The following CDKAL1 variants were observed in gnomAD, a reference collection of about 807,000 sequenced individuals.
The protein encoded by CDKAL1 is CDKAL1 threonylcarbamoyladenosine tRNA methylthiotransferase.
A neutral mutation model predicts 68.2 loss-of-function variants in CDKAL1; 32 were observed. That is an observed-to-expected ratio of 0.47 (90% CI 0.35 to 0.63). The LOEUF (loss-of-function observed/expected upper bound fraction) is 0.63, where lower values mean the gene tolerates loss of function less well. Among genes scored for constraint, CDKAL1 ranks in the 30% least tolerant of loss-of-function variants. The pLI, the probability that CDKAL1 is intolerant of heterozygous loss-of-function variation, is 0.00. For synonymous variants in CDKAL1, 234 were observed against 244.3 expected (o/e 0.96, Z 0.39); for missense variants, 606 against 696.7 (o/e 0.87, Z 1.47).
chr6:20,888,358 CTT>C (rs59055712), intron 9 of CDKAL1, among the ~76,000 whole-genome samples: 4,475 of 144,042 alleles, frequency 0.031, 214 homozygotes, highest in African/African-American at 0.1. Context: ...GCCACATCTT[CTT>C]TTTTTTTTTT....
At chr6:20,587,622 A>G (rs1189198631) in intron 4 of CDKAL1, among the ~76,000 whole-genome samples, 3 of 151,868 alleles carry the variant, frequency 2.0e-5, no homozygotes, top group Non-Finnish European at 4.4e-5. Flanking sequence ...AGTCCCAGCT[A>G]CTCTGGAGGC....
intron 13 of CDKAL1, among the ~76,000 whole-genome samples, chr6:21,194,132 T>G (rs1292906956): frequency 6.6e-6 from 1 of 152,180 alleles, no homozygotes; most frequent in East Asian, 1.9e-4. Context: ...AGAAAGACAT[T>G]AACTGATCCT....
intron 9 of CDKAL1, among the ~76,000 whole-genome samples, chr6:20,889,123 G>C (rs1466816417): frequency 6.6e-6 from 1 of 152,176 alleles, no homozygotes; most frequent in Non-Finnish European, 1.5e-5. Flanking sequence ...GATGGCCAGT[G>C]ATGATGAGCA....
intron 12 of CDKAL1, among the ~76,000 whole-genome samples, chr6:21,081,635 G>A (rs553973957): frequency 1.0e-4 from 15 of 148,872 alleles, no homozygotes; most frequent in African/African-American, 3.2e-4. Flanking sequence ...GCAGTGGCGC[G>A]ATCTCATCTC....
intron 12 of CDKAL1, among the ~76,000 whole-genome samples, chr6:21,088,634 T>C (rs1208311870): frequency 1.3e-5 from 2 of 152,204 alleles, no homozygotes; most frequent in Non-Finnish European, 2.9e-5. Flanking sequence ...AGTATTTTTC[T>C]ACAAGTCTTT....
chr6:20,607,272 T>A (rs1195607442), intron 4 of CDKAL1, among the ~76,000 whole-genome samples: 1 of 152,224 alleles, frequency 6.6e-6, no homozygotes, highest in African/African-American at 2.4e-5. Flanking sequence ...ACTACAGTAA[T>A]TTCTGTTGAA....
intron 8 of CDKAL1, among the ~76,000 whole-genome samples, chr6:20,806,730 T>C (rs1181909603): frequency 6.6e-6 from 1 of 152,152 alleles, no homozygotes; most frequent in Non-Finnish European, 1.5e-5. Context: ...TACTATTCAA[T>C]TGTTGTTTAT....
intron 9 of CDKAL1, among the ~76,000 whole-genome samples, chr6:20,884,853 G>A (rs1451230251): frequency 2.0e-5 from 3 of 152,146 alleles, no homozygotes; most frequent in African/African-American, 4.8e-5. Flanking sequence ...CAAGTTGTGT[G>A]CTGTAGCACA....
intron 5 of CDKAL1, among the ~76,000 whole-genome samples, chr6:20,659,636 C>T (rs1014887366): frequency 6.6e-6 from 1 of 152,180 alleles, no homozygotes; most frequent in Non-Finnish European, 1.5e-5. Flanking sequence ...CCCAAATCTT[C>T]GTCTTTGATC....
chr6:21,142,832 A>G (rs1178851272), intron 13 of CDKAL1, among the ~76,000 whole-genome samples: 1 of 152,234 alleles, frequency 6.6e-6, no homozygotes, highest in Non-Finnish European at 1.5e-5. Context: ...TGGTAATGGT[A>G]GTGGTACATT....
intron 8 of CDKAL1, among the ~76,000 whole-genome samples, chr6:20,839,215 C>T (rs764160491): frequency 7.9e-5 from 12 of 151,756 alleles, no homozygotes; most frequent in East Asian, 1.9e-4. Flanking sequence ...CTGTAGAACT[C>T]GATGGATTTT....
intron 5 of CDKAL1, among the ~76,000 whole-genome samples, chr6:20,700,263 G>C (rs1771283138): frequency 6.6e-6 from 1 of 151,700 alleles, no homozygotes; most frequent in South Asian, 2.1e-4. Flanking sequence ...GCTGAGGCAG[G>C]AGAATCACTT....
At chr6:21,098,219 A>T (rs143428297) in intron 12 of CDKAL1, among the ~76,000 whole-genome samples, 12 of 152,312 alleles carry the variant, frequency 7.9e-5, no homozygotes, top group African/African-American at 2.6e-4. Flanking sequence ...ACTGGTTGGG[A>T]GGCTCTGATG....
chr6:20,549,602 ATTT>A (rs1398869890), intron 4 of CDKAL1, among the ~76,000 whole-genome samples: 4 of 150,390 alleles, frequency 2.7e-5, no homozygotes, highest in Non-Finnish European at 4.4e-5. Context: ...TTATTTATTT[ATTT>A]ATTTATTTAT....
At chr6:20,777,527 A>G (rs987856440) in intron 7 of CDKAL1, among the ~76,000 whole-genome samples, 1 of 152,144 alleles carries the variant, frequency 6.6e-6, no homozygotes, top group Non-Finnish European at 1.5e-5. Context: ...AGATGGAAGG[A>G]TTGCTTGAGC....
intron 13 of CDKAL1, among the ~76,000 whole-genome samples, chr6:21,120,058 C>T (rs1375849464): frequency 6.6e-6 from 1 of 152,204 alleles, no homozygotes; most frequent in African/African-American, 2.4e-5. Context: ...ATTGCTCTCA[C>T]CTCTTGCTAC....
chr6:20,940,087 G>A (rs952009933), intron 9 of CDKAL1, among the ~76,000 whole-genome samples: 3 of 152,044 alleles, frequency 2.0e-5, no homozygotes, highest in Non-Finnish European at 4.4e-5. Flanking sequence ...AAATGTGTAT[G>A]TCCAAGATAA....
chr6:21,215,253 C>T (rs566100329), intron 15 of CDKAL1, among the ~76,000 whole-genome samples: 2 of 152,268 alleles, frequency 1.3e-5, no homozygotes, highest in East Asian at 1.9e-4. Context: ...AGCATGTTCC[C>T]GTGGTAAAGG....
intron 9 of CDKAL1, among the ~76,000 whole-genome samples, chr6:20,866,592 A>G (rs746587348): frequency 1.3e-5 from 2 of 152,210 alleles, no homozygotes; most frequent in Admixed American, 6.5e-5. Flanking sequence ...ATATTATTTT[A>G]CAGATTTTAA....
Sources: allele counts gnomAD v4.1 joint callset (sites outside exome capture counted in the v4.1 genomes callset), GRCh38; gene constraint gnomAD v4.1.1; transcripts MANE v1.5; gene names NCBI Gene and HGNC (gene_info 2026-07-23, HGNC 2026-07-21).